The following GNAO1 variants were observed in gnomAD, a reference collection of about 807,000 sequenced individuals.
The protein encoded by GNAO1 is guanine nucleotide-binding protein G(o) subunit alpha.
For synonymous variants in GNAO1, 164 were observed against 180.7 expected (o/e 0.91, Z 0.74); for missense variants, 166 against 478.7 (o/e 0.35, Z 6.10).
At chr16:56,276,205 C>A in intron 3 of GNAO1, 133 bp downstream of exon 3, 2 of 724,506 alleles carry the variant, frequency 2.8e-6, no homozygotes, top group Non-Finnish European at 4.3e-6. Context: ...TATATGGTGG[C>A]ACAGTCACCA....
Position 56,311,540 on chromosome 16 carries a change from T to G in GNAO1, c.304-17091T>G, listed in dbSNP as rs2037458272. 6.6e-6 allele frequency among the ~76,000 whole-genome samples: 1 copy of G among 152,114 alleles called. No individual in the cohort carries two copies. The highest frequency in any genetic ancestry group is 2.1e-4 in the South Asian group (1 of 4,828). ...CTGATCCCAGACCTCAGAGAAAAACTGTTGGGGTGATGGCGCCTTGGCTGG... is the reference window on the plus strand; with the variant it reads ...CTGATCCCAGACCTCAGAGAAAAACGGTTGGGGTGATGGCGCCTTGGCTGG... On this transcript the variant is annotated intron_variant, in intron 3 of 8. Coordinates refer to ENST00000262493, the MANE Select transcript of GNAO1 (RefSeq NM_020988.3). The surrounding 1 kb of genome is among the most constrained non-coding windows in gnomAD (Gnocchi z 5.2).
chr16:56,244,165 G>A (rs1324682093), intron 2 of GNAO1, among the ~76,000 whole-genome samples: 2 of 152,160 alleles, frequency 1.3e-5, no homozygotes, highest in Non-Finnish European at 2.9e-5. Flanking sequence ...ATCTACTTGA[G>A]TGTAGGCACG....
At chr16:56,322,438 T>G (rs948831972) in intron 3 of GNAO1, among the ~76,000 whole-genome samples, 1 of 152,208 alleles carries the variant, frequency 6.6e-6, no homozygotes, top group Admixed American at 6.5e-5. Flanking sequence ...AGGCTCAGCC[T>G]GAGCCCCGTC....
intron 3 of GNAO1, among the ~76,000 whole-genome samples, chr16:56,309,739 T>A (rs1315809821): frequency 6.6e-6 from 1 of 152,246 alleles, no homozygotes; most frequent in Non-Finnish European, 1.5e-5. Context: ...CCGGACCCAC[T>A]GCTCCTGTGC....
chr16:56,259,462 A>G (rs1347903616), intron 2 of GNAO1, among the ~76,000 whole-genome samples: 2 of 152,148 alleles, frequency 1.3e-5, no homozygotes, highest in Non-Finnish European at 2.9e-5. Flanking sequence ...CCTGACCCAC[A>G]TGCATGTTGG....
At chr16:56,243,249 C>T (rs2036711451) in intron 2 of GNAO1, among the ~76,000 whole-genome samples, 1 of 152,058 alleles carries the variant, frequency 6.6e-6, no homozygotes, top group Non-Finnish European at 1.5e-5. Flanking sequence ...ATGTAATGTA[C>T]TTGAGTCATC....
chr16:56,335,572 C>T (rs2037732563), intron 5 of GNAO1, among the ~76,000 whole-genome samples: 1 of 152,220 alleles, frequency 6.6e-6, no homozygotes, highest in Non-Finnish European at 1.5e-5. Context: ...CTCCCATGTC[C>T]CCAACTCCTG....
intron 2 of GNAO1, among the ~76,000 whole-genome samples, chr16:56,260,818 CAG>C (rs1319056507): frequency 3.3e-5 from 5 of 152,164 alleles, no homozygotes; most frequent in Non-Finnish European, 2.9e-5. Flanking sequence ...ATCCACCACA[CAG>C]AGAGTGGCAT....
intron 2 of GNAO1, among the ~76,000 whole-genome samples, chr16:56,237,010 G>T (rs76443127): frequency 7.9e-5 from 12 of 152,296 alleles, no homozygotes; most frequent in Non-Finnish European, 1.5e-4. Flanking sequence ...TGTAAGAGTA[G>T]AATTATAATA....
chr16:56,209,274 A>T (rs567513260), intron 2 of GNAO1, among the ~76,000 whole-genome samples: 12 of 152,286 alleles, frequency 7.9e-5, no homozygotes, highest in African/African-American at 2.9e-4. Flanking sequence ...CATGTATGTG[A>T]TAAGCATGCA....
chr16:56,292,035 C>T (rs942827463), intron 3 of GNAO1, among the ~76,000 whole-genome samples: 3 of 152,222 alleles, frequency 2.0e-5, no homozygotes, highest in South Asian at 2.1e-4. Flanking sequence ...GCCCTGCCTT[C>T]GGGACTTACA....
At position 56,269,035 on chromosome 16, in the gene GNAO1, T is replaced by C. The variant is rs1425655760; in HGVS notation, c.162-6896T>C. Among the ~76,000 whole-genome samples the C allele has an allele frequency of 2.6e-5, 4 of 152,204 alleles. No homozygotes were observed. In the South Asian group the frequency reaches 8.3e-4, roughly 31 times the overall value. On this transcript the variant is annotated intron_variant, in intron 2 of 8. Transcript: ENST00000262493. The stretch of plus-strand genomic sequence containing the variant: ...CCTGACGGCTGGAAACCATTGGTGC[T>C]GTGCATGGGAGTGAAGCACTGGGCC...
At chr16:56,219,212 G>A (rs931790009) in intron 2 of GNAO1, among the ~76,000 whole-genome samples, 2 of 152,144 alleles carry the variant, frequency 1.3e-5, no homozygotes, top group African/African-American at 4.8e-5. Context: ...CATCCCACTG[G>A]GTCTTGTTTG....
At chr16:56,317,682 G>A (rs1417912295) in intron 3 of GNAO1, among the ~76,000 whole-genome samples, 1 of 152,126 alleles carries the variant, frequency 6.6e-6, no homozygotes, top group Non-Finnish European at 1.5e-5. Flanking sequence ...TGATAGGTAG[G>A]TATCCTGGGT....
At chr16:56,352,497 G>A (rs1266578701) in intron 7 of GNAO1, 1 of 152,358 alleles carries the variant, frequency 6.6e-6, no homozygotes, top group Non-Finnish European at 1.5e-5. Flanking sequence ...GGAGGAGGAG[G>A]TGTCCTGTCA....
chr16:56,345,052 A>AC lies in GNAO1; in HGVS notation c.724-6326dup, dbSNP rs1166465734. The AC allele has an allele frequency of 2.0e-5, 20 of 984,686 alleles. No homozygotes were observed. In the African/African-American group the frequency reaches 2.8e-4, roughly 14 times the overall value. The allele number at this position is 984,686 out of a possible 1,614,324, so 61.0% of individuals were successfully genotyped here. On this transcript the variant is annotated intron_variant, in intron 6 of 8. Coordinates refer to ENST00000262493, the MANE Select transcript of GNAO1 (RefSeq NM_020988.3). The stretch of plus-strand genomic sequence containing the variant: ...TTTGGACCCAGGCCAGCACAAACAC[A>AC]CCCCCCTGTCCCCAACTCTAAAGGG...
At chr16:56,278,402 G>A (rs1208346718) in intron 3 of GNAO1, among the ~76,000 whole-genome samples, 1 of 152,230 alleles carries the variant, frequency 6.6e-6, no homozygotes, top group Middle Eastern at 3.2e-3. Context: ...GGAAAGGAGT[G>A]AACCCGAGAC....
chr16:56,356,887 T>G lies in GNAO1; in HGVS notation c.*813T>G, dbSNP rs1334833665. 2.0e-5 allele frequency: 3 copies of G among 152,006 alleles called. No individual in the cohort carries two copies. The highest frequency in any genetic ancestry group is 4.8e-5 in the African/African-American group (2 of 41,330). The allele number at this position is 152,006 out of a possible 1,614,324, so 9.4% of individuals were successfully genotyped here. A position where few individuals can be genotyped will look rare whatever the true frequency, so the allele number is the denominator to read the frequency against. On this transcript the variant is annotated 3_prime_UTR_variant, in exon 9 of 9. Transcript: ENST00000262493. ...AGTCTTTGGGAAACGGGTTGTGTTTTTTTTCCTTTGCCGTGTTGGATTTCC... is the reference window on the plus strand; with the variant it reads ...AGTCTTTGGGAAACGGGTTGTGTTTGTTTTCCTTTGCCGTGTTGGATTTCC...
In GNAO1 at chr16:56,343,820, A is replaced by G. The variant is rs758503575; in HGVS notation, c.723+6960A>G. Reference sequence around the variant, plus strand: ...ATCCAGGCCCAGTACGAGAGCAAGAACAAGTCAGCCCACAAAGAGATCTAC... The same window carrying G: ...ATCCAGGCCCAGTACGAGAGCAAGAGCAAGTCAGCCCACAAAGAGATCTAC... On this transcript the variant is annotated intron_variant, in intron 6 of 8. Coordinates refer to ENST00000262493, the MANE Select transcript of GNAO1 (RefSeq NM_020988.3). 34 of 1,611,376 alleles carry G rather than the reference A, an allele frequency of 2.1e-5. No homozygotes were observed. In the South Asian group the frequency reaches 3.6e-4, roughly 17 times the overall value.
Sources: gnomAD v4.1 joint callset for allele counts (sites outside exome capture counted in the v4.1 genomes callset) on GRCh38, gnomAD v4.1.1 for gene constraint, Gnocchi (gnomAD v3.1) non-coding constraint, MANE v1.5 for transcripts, NCBI Gene and HGNC (gene_info 2026-07-23, HGNC 2026-07-21) for gene names.